Variants in TOR1AIP1 observed in about 807,000 individuals in gnomAD.
The protein encoded by TOR1AIP1 is torsin-1A-interacting protein 1.
In TOR1AIP1, 54 loss-of-function variants were observed where a neutral mutation model predicts 63.3. The observed-to-expected ratio is 0.85, with a 90% CI of 0.69 to 1.07. TOR1AIP1 has a LOEUF of 1.07. TOR1AIP1 is among the 50% of genes least tolerant of loss of function. The pLI is 0.00. For missense variants in TOR1AIP1, 736 were observed against 715.0 expected (o/e 1.03, Z -0.33); for synonymous variants, 294 against 273.5 (o/e 1.07, Z -0.74).
intron 5 of TOR1AIP1, among the ~76,000 whole-genome samples, chr1:179,903,021 A>C (rs1178481378): frequency 1.3e-5 from 2 of 151,990 alleles, no homozygotes; most frequent in African/African-American, 4.8e-5. Flanking sequence ...AAAAAAAAAT[A>C]TGGGCACTTC....
In TOR1AIP1 at chr1:179,917,630, T is replaced by G. The variant is rs748818026; in HGVS notation, c.1143T>G (p.Gly381=). The G allele has an allele frequency of 2.5e-6, 4 of 1,614,092 alleles. No individual in the cohort carries two copies. The highest frequency in any genetic ancestry group is 3.3e-4 in the Middle Eastern group (2 of 6,062). The stretch of plus-strand genomic sequence containing the variant: ...ATCAACTTAAGAATAAGTACCAAGG[T>G]CAAGATGAGAAGCTGTGGAAAAGGA... ...QMNQLKNKYQ[G]QDEKLWKRSQ... The change falls in exon 10 of 10, where the codon GGT becomes GGG. Residue 381 remains glycine, a synonymous_variant. Coordinates refer to ENST00000606911, the MANE Select transcript of TOR1AIP1 (RefSeq NM_015602.4).
At chr1:179,917,418 A>G in intron 9 of TOR1AIP1, 34 bp from the exon 10 acceptor site, 1 of 1,562,352 alleles carries the variant, frequency 6.4e-7, no homozygotes. Context: ...AGAAAGTGGT[A>G]TTTATATCTG....
At chr1:179,908,899 C>T (rs1386481112) in intron 8 of TOR1AIP1, among the ~76,000 whole-genome samples, 1 of 152,178 alleles carries the variant, frequency 6.6e-6, no homozygotes, top group Non-Finnish European at 1.5e-5. Flanking sequence ...GGTGCGGTGG[C>T]TCACGCCTGT....
At chr1:179,885,960 C>T (rs1000639535) in intron 2 of TOR1AIP1, among the ~76,000 whole-genome samples, 1 of 152,084 alleles carries the variant, frequency 6.6e-6, no homozygotes. Context: ...AAGCTGGTCT[C>T]GAACTCCTGA....
chr1:179,905,514 T>C lies in TOR1AIP1; in HGVS notation c.796+1492T>C, dbSNP rs546027486. 7.2e-5 allele frequency among the ~76,000 whole-genome samples: 11 copies of C among 152,336 alleles called. No homozygotes were observed. The South Asian group carries it at 1.2e-3, about 17-fold the overall frequency. ...TGTGACTATAAAATGAGACATAAAA[T>C]GAATTAGCTGCTGGGAAAAAATCAG... On this transcript the variant is annotated intron_variant, in intron 6 of 9. Coordinates refer to ENST00000606911, the MANE Select transcript of TOR1AIP1 (RefSeq NM_015602.4).
intron 3 of TOR1AIP1, among the ~76,000 whole-genome samples, chr1:179,897,112 T>C (rs774704523): frequency 6.6e-6 from 1 of 152,214 alleles, no homozygotes; most frequent in Non-Finnish European, 1.5e-5. Context: ...TGAATACTAT[T>C]GATAAATATT....
intron 7 of TOR1AIP1, 44 bp from the exon 8 acceptor site, chr1:179,908,561 T>C (rs778065248): frequency 2.0e-6 from 3 of 1,530,254 alleles, no homozygotes; most frequent in Non-Finnish European, 2.7e-6. Flanking sequence ...GTATAAACTT[T>C]CAAAGTATGG....
intron 3 of TOR1AIP1, among the ~76,000 whole-genome samples, chr1:179,890,052 T>C (rs932407557): frequency 1.3e-5 from 2 of 152,216 alleles, no homozygotes; most frequent in East Asian, 1.9e-4. Context: ...TTGTTTCTTA[T>C]ATATTCCTGT....
At chr1:179,890,684 T>A (rs905758325) in intron 3 of TOR1AIP1, among the ~76,000 whole-genome samples, 15 of 152,124 alleles carry the variant, frequency 9.9e-5, no homozygotes, top group African/African-American at 3.6e-4. Context: ...TGCAGCCTCC[T>A]CCTCCTATTG....
At chr1:179,914,091 GT>G (rs747037297) in intron 9 of TOR1AIP1, 37 bp downstream of exon 9, 83 of 1,561,222 alleles carry the variant, frequency 5.3e-5, no homozygotes, top group Non-Finnish European at 6.4e-5. Context: ...AAATATTTCT[GT>G]AAAATTGGTA....
At chr1:179,894,961 G>T (rs745472263) in intron 3 of TOR1AIP1, among the ~76,000 whole-genome samples, 1 of 152,184 alleles carries the variant, frequency 6.6e-6, no homozygotes, top group Non-Finnish European at 1.5e-5. Flanking sequence ...AAAAGGCCGG[G>T]TTATACCTAA....
At chr1:179,905,890 C>T (rs964635380) in intron 6 of TOR1AIP1, among the ~76,000 whole-genome samples, 6 of 151,856 alleles carry the variant, frequency 4.0e-5, no homozygotes, top group South Asian at 2.1e-4. Flanking sequence ...CAGGCAACGG[C>T]GGCAGTGAAC....
chr1:179,908,821 T>C, intron 8 of TOR1AIP1, 148 bp downstream of exon 8: 1 of 671,016 alleles, frequency 1.5e-6, no homozygotes, highest in East Asian at 3.1e-5. Context: ...TAGTAATTTC[T>C]TGGACTGGCA....
At position 179,894,840 on chromosome 1, in the gene TOR1AIP1, C is replaced by T. The variant is rs768776891; in HGVS notation, c.611-5286C>T. ...TATGTTTTCTTGAGTGGCCTTTGCT[C>T]CTCACACCAAGTACCTCCCACAAAT... On this transcript the variant is annotated intron_variant, in intron 3 of 9. Coordinates refer to ENST00000606911, the MANE Select transcript of TOR1AIP1 (RefSeq NM_015602.4). Among the ~76,000 whole-genome samples the T allele has an allele frequency of 1.4e-3, 212 of 152,310 alleles. 3 individuals are homozygous for T. Among genetic ancestry groups the T allele is most frequent in the Non-Finnish European group, 2.2e-4 (15 of 68,036 alleles).
intron 6 of TOR1AIP1, among the ~76,000 whole-genome samples, chr1:179,905,528 G>T (rs1648604362): frequency 6.6e-6 from 1 of 152,022 alleles, no homozygotes; most frequent in Non-Finnish European, 1.5e-5. Flanking sequence ...TTAGCTGCTG[G>T]GAAAAAATCA....
At chr1:179,900,265 G>A (rs905966426) in intron 4 of TOR1AIP1, 98 bp downstream of exon 4, 15 of 800,312 alleles carry the variant, frequency 1.9e-5, no homozygotes, top group South Asian at 4.8e-5. Flanking sequence ...GAACAGAGCC[G>A]GGGACTGTGG....
chr1:179,907,117 C>T (rs1648661669), intron 6 of TOR1AIP1, among the ~76,000 whole-genome samples: 1 of 151,550 alleles, frequency 6.6e-6, no homozygotes, highest in South Asian at 2.1e-4. Context: ...GGCATGGTGG[C>T]TCATGCCTGT....
Position 179,906,376 on chromosome 1 carries a change from C to A in TOR1AIP1, c.797-1447C>A, listed in dbSNP as rs553168190. Reference sequence around the variant, plus strand: ...GGCCCCTTTTTTTAAACAGCTAGCACATGTTTGTATTCAGAAAAAGTTGAA... The same window carrying A: ...GGCCCCTTTTTTTAAACAGCTAGCAAATGTTTGTATTCAGAAAAAGTTGAA... On this transcript the variant is annotated intron_variant, in intron 6 of 9. Transcript: ENST00000606911. Among the ~76,000 whole-genome samples, 18 of 152,122 alleles carry A rather than the reference C, an allele frequency of 1.2e-4. No individual in the cohort carries two copies. The South Asian group carries it at 3.7e-3, about 32-fold the overall frequency.
chr1:179,913,936 A>G, intron 8 of TOR1AIP1, 62 bp from the exon 9 acceptor site: 1 of 1,449,630 alleles, frequency 6.9e-7, no homozygotes, highest in Non-Finnish European at 9.6e-7. Context: ...TGTCTACTAG[A>G]AATAAATACT....
Sources: allele counts gnomAD v4.1 joint callset (sites outside exome capture counted in the v4.1 genomes callset), GRCh38; gene constraint gnomAD v4.1.1; transcripts MANE v1.5; gene names NCBI Gene and HGNC (gene_info 2026-07-23, HGNC 2026-07-21).